Variants in ZNF84 observed in about 807,000 individuals in gnomAD.
The protein encoded by ZNF84 is zinc finger protein 84.
Under a neutral mutation model 14.8 loss-of-function variants are expected in ZNF84, and 12 were observed. The observed-to-expected ratio is 0.81, with a 90% CI of 0.52 to 1.31. ZNF84 has a LOEUF of 1.31. Ranked by LOEUF, ZNF84 falls within the 50% of genes most tolerant of loss-of-function variation. The pLI is 0.00. For synonymous variants in ZNF84, 347 were observed against 291.1 expected, an observed-to-expected ratio of 1.19 and a Z score of -1.96; for missense variants, 859 against 878.6, an observed-to-expected ratio of 0.98 and a Z score of 0.28.
chr12:133,056,113 A>G (rs1954152688), intron 4 of ZNF84, among the ~76,000 whole-genome samples: 1 of 152,226 alleles, frequency 6.6e-6, no homozygotes. Context: ...TCATTGTTTA[A>G]GCTTGAAATG....
intron 4 of ZNF84, 120 bp downstream of exon 4, chr12:133,048,968 C>A: frequency 2.8e-6 from 2 of 704,880 alleles, no homozygotes; most frequent in Non-Finnish European, 2.4e-6. Context: ...TGGTCAGTGA[C>A]GGGTGGGCTG....
At chr12:133,041,788 A>G (rs948105949) in intron 2 of ZNF84, among the ~76,000 whole-genome samples, 11 of 152,338 alleles carry the variant, frequency 7.2e-5, no homozygotes, top group South Asian at 2.1e-4. Flanking sequence ...TATGCTTTGC[A>G]TCGTTTAAAG....
At position 133,059,255 on chromosome 12, in the gene ZNF84, G is replaced by A. The variant is rs1319661168; in HGVS notation, c.*323G>A. The A allele has an allele frequency of 2.5e-6, 1 of 393,098 alleles. No individual in the cohort carries two copies. Among genetic ancestry groups the A allele is most frequent in the Non-Finnish European group, 4.5e-6 (1 of 222,034 alleles). 24.4% of individuals were successfully genotyped at this position (393,098 alleles called of 1,614,324 possible). A position where few individuals can be genotyped will look rare whatever the true frequency, so the allele number is the denominator to read the frequency against. On this transcript the variant is annotated 3_prime_UTR_variant, in exon 5 of 5. Coordinates refer to ENST00000539354, the MANE Select transcript of ZNF84 (RefSeq NM_001289971.2). ...TTAGAAATATTCCCACTGGGGATGA[G>A]GGAAAACCCCATGAATGCGGGAAAT... is the stretch of plus-strand genomic sequence containing the variant.
Position 133,057,101 on chromosome 12 carries a change from A to G in ZNF84, c.386A>G (p.Glu129Gly). The change falls in exon 5 of 5, where the codon GAA (glutamate) becomes GGA (glycine). Residue 129 changes from glutamate (E) to glycine (G), a missense_variant. Coordinates refer to ENST00000539354, the MANE Select transcript of ZNF84 (RefSeq NM_001289971.2). Reference protein sequence around the residue: ...NFVPLRKSNSEGDLDGLILKH... With the variant: ...NFVPLRKSNSGGDLDGLILKH... ...GTTCCTTTAAGGAAATCAAACAGTGAAGGTGACTTAGATGGATTGATTTTA... is the reference window on the plus strand; with the variant it reads ...GTTCCTTTAAGGAAATCAAACAGTGGAGGTGACTTAGATGGATTGATTTTA... The G allele has an allele frequency of 1.9e-6, 3 of 1,613,290 alleles. No individual in the cohort carries two copies. In the South Asian group the frequency reaches 3.3e-5, roughly 18 times the overall value.
chr12:133,054,004 T>A (rs988956572), intron 4 of ZNF84, among the ~76,000 whole-genome samples: 2 of 152,228 alleles, frequency 1.3e-5, no homozygotes, highest in Non-Finnish European at 2.9e-5. Context: ...TTCACATTAC[T>A]GATTATCTTT....
Position 133,048,800 on chromosome 12 carries a change from GA to G in ZNF84, c.192del (p.Glu65SerfsTer4). 5.6e-6 allele frequency: 9 copies of G among 1,613,894 alleles called. No homozygotes were observed. Among genetic ancestry groups the G allele is most frequent in the Non-Finnish European group, 7.6e-6 (9 of 1,179,914 alleles). On this transcript the variant is annotated frameshift_variant, in exon 4 of 5. Transcript: ENST00000539354. LOFTEE classifies it low-confidence loss of function (END_TRUNC). ...TGTCATCTTCAAATTGGAGCAAGGA[GA>G]AGAGCCGTGGGTAGGAGATGGAGAA... ...PDVIFKLEQG[E>X]EPWVGDGEIP...
At position 133,061,752 on chromosome 12, in the gene ZNF84, A is replaced by T. The variant is rs1200956070; in HGVS notation, c.*2820A>T. ...TTAGCCTATTGATTGCCCAAGAACA[A>T]ACATTTTTTTCTAAATGTCAGGTGT... On this transcript the variant is annotated 3_prime_UTR_variant, in exon 5 of 5. Transcript: ENST00000539354. 1 of 152,204 alleles carries T rather than the reference A, an allele frequency of 6.6e-6. No homozygotes were observed. Among genetic ancestry groups the T allele is most frequent in the Non-Finnish European group, 1.5e-5 (1 of 68,038 alleles). 9.4% of individuals were successfully genotyped at this position (152,204 alleles called of 1,614,324 possible).
chr12:133,062,135 C>T lies in ZNF84; in HGVS notation c.*3203C>T, dbSNP rs1197231158. 4 of 152,166 alleles carry T rather than the reference C, an allele frequency of 2.6e-5. No homozygotes were observed. Among genetic ancestry groups the T allele is most frequent in the Non-Finnish European group, 5.9e-5 (4 of 68,028 alleles). The allele number at this position is 152,166 out of a possible 1,614,324, so 9.4% of individuals were successfully genotyped here. On this transcript the variant is annotated 3_prime_UTR_variant, in exon 5 of 5. Coordinates refer to ENST00000539354, the MANE Select transcript of ZNF84 (RefSeq NM_001289971.2). ...TTATTCTCTTACTGCCTGGATTTTC[C>T]CACTGACCTGGAATTGTGCACAGTT...
In ZNF84 at chr12:133,048,824, G is replaced by A. The variant is rs1414032290; in HGVS notation, c.214G>A (p.Glu72Lys). 6.8e-6 allele frequency: 11 copies of A among 1,613,568 alleles called. No individual in the cohort carries two copies. In the Admixed American group the frequency reaches 1.8e-4, roughly 27 times the overall value. ...AGAAGAGCCGTGGGTAGGAGATGGAGAAATTCCAAGTTCAGATTCTCCAGG... is the reference window on the plus strand; with the variant it reads ...AGAAGAGCCGTGGGTAGGAGATGGAAAAATTCCAAGTTCAGATTCTCCAGG... ...QGEEPWVGDG[E>K]IPSSDSPEVW... Residue 72 changes from glutamate (E) to lysine (K), a missense_variant, in exon 4 of 5, where the codon GAA (glutamate) becomes AAA (lysine). Physicochemically the swap from Glu to Lys is moderately conservative, Grantham distance 56. Coordinates refer to ENST00000539354, the MANE Select transcript of ZNF84 (RefSeq NM_001289971.2).
At chr12:133,040,764 A>G (rs1245363803) in intron 1 of ZNF84, 2 of 152,124 alleles carry the variant, frequency 1.3e-5, no homozygotes, top group African/African-American at 4.8e-5. Flanking sequence ...ATTATAAGGA[A>G]AAACTGACCA....
At chr12:133,047,841 T>G in intron 2 of ZNF84, 114 bp from the exon 3 acceptor site, 1 of 1,148,254 alleles carries the variant, frequency 8.7e-7, no homozygotes, top group Non-Finnish European at 1.3e-6. Context: ...GGTAGAGACA[T>G]AGTAGGCATT....
intron 4 of ZNF84, among the ~76,000 whole-genome samples, chr12:133,055,978 G>A (rs1357560101): frequency 3.3e-5 from 5 of 152,134 alleles, no homozygotes; most frequent in Non-Finnish European, 5.9e-5. Flanking sequence ...GTGCATGCCT[G>A]TTGTCCCAAC....
chr12:133,063,053 C>T lies in ZNF84; in HGVS notation c.*4121C>T, dbSNP rs1433817461. On this transcript the variant is annotated 3_prime_UTR_variant, in exon 5 of 5. Coordinates refer to ENST00000539354, the MANE Select transcript of ZNF84 (RefSeq NM_001289971.2). ...TTTTGTCTGTGTAATTTTTGCATCA[C>T]AAGCTATATTTAAATGTGGGTGCAG... The T allele has an allele frequency of 1.4e-6, 1 of 697,228 alleles. No homozygotes were observed. Among genetic ancestry groups the T allele is most frequent in the Non-Finnish European group, 2.6e-6 (1 of 381,040 alleles). The allele number at this position is 697,228 out of a possible 1,614,324, so 43.2% of individuals were successfully genotyped here.
Position 133,041,263 on chromosome 12 carries a change from A to C in ZNF84, c.-190-15A>C. 1 of 564,746 alleles carries C rather than the reference A, an allele frequency of 1.8e-6. No individual in the cohort carries two copies. The highest frequency in any genetic ancestry group is 3.2e-6 in the Non-Finnish European group (1 of 317,394). The allele number at this position is 564,746 out of a possible 1,614,324, so 35.0% of individuals were successfully genotyped here. ...GCAATGTGAATATACCAGTTGAAGT[A>C]CATTTCTCCCGAAGTCCACAGATCC... is the stretch of plus-strand genomic sequence containing the variant. On this transcript the variant is annotated splice_polypyrimidine_tract_variant and intron_variant, in intron 1 of 4. Coordinates refer to ENST00000539354, the MANE Select transcript of ZNF84 (RefSeq NM_001289971.2).
intron 3 of ZNF84, 161 bp from the exon 4 acceptor site, chr12:133,048,578 TTGTACTAGACCCTA>T: frequency 2.1e-6 from 1 of 471,130 alleles, no homozygotes; most frequent in Non-Finnish European, 3.9e-6. Context: ...TTCAGTGGCT[TTGTACTAGACCCTA>T]TTAGCCACCA....
At chr12:133,054,172 A>G (rs1280910651) in intron 4 of ZNF84, among the ~76,000 whole-genome samples, 1 of 152,170 alleles carries the variant, frequency 6.6e-6, no homozygotes, top group Non-Finnish European at 1.5e-5. Context: ...GCTTGAGCCC[A>G]GGAGTTCAAG....
chr12:133,051,091 T>G (rs1234018920), intron 4 of ZNF84, among the ~76,000 whole-genome samples: 1 of 141,946 alleles, frequency 7.0e-6, no homozygotes, highest in African/African-American at 2.8e-5. Flanking sequence ...CTGTGTTTTG[T>G]TTGTTTTGTT....
chr12:133,061,831 G>A lies in ZNF84; in HGVS notation c.*2899G>A, dbSNP rs1160008686. The A allele has an allele frequency of 1.3e-5, 2 of 152,164 alleles. No homozygotes were observed. Among genetic ancestry groups the A allele is most frequent in the Non-Finnish European group, 2.9e-5 (2 of 68,038 alleles). 9.4% of individuals were successfully genotyped at this position (152,164 alleles called of 1,614,324 possible). A position where few individuals can be genotyped will look rare whatever the true frequency, so the allele number is the denominator to read the frequency against. On this transcript the variant is annotated 3_prime_UTR_variant, in exon 5 of 5. Coordinates refer to ENST00000539354, the MANE Select transcript of ZNF84 (RefSeq NM_001289971.2). ...GGTCTAGTTAAAAACTGATGCAGAG[G>A]TTCAAATACGTTGTGCAGTAATCAC...
chr12:133,050,489 A>G, intron 4 of ZNF84: 1 of 398,624 alleles, frequency 2.5e-6, no homozygotes, highest in Non-Finnish European at 4.4e-6. Context: ...ATGCAGTGGC[A>G]GCATCTGCTA....
Sources: gnomAD v4.1 joint callset for allele counts (sites outside exome capture counted in the v4.1 genomes callset) on GRCh38, gnomAD v4.1.1 for gene constraint, MANE v1.5 for transcripts, NCBI Gene and HGNC (gene_info 2026-07-23, HGNC 2026-07-21) for gene names.